TMEM131L: variants seen among roughly 807,000 people sequenced by gnomAD.
The protein encoded by TMEM131L is transmembrane protein 131-like.
A neutral mutation model predicts 192.2 loss-of-function variants in TMEM131L; 54 were observed. That is an observed-to-expected ratio of 0.28 (90% CI 0.23 to 0.35). TMEM131L has a LOEUF of 0.35. TMEM131L is among the 10% of genes least tolerant of loss of function. TMEM131L has a pLI of 1.00. For missense variants in TMEM131L, 1,888 were observed against 1,972.9 expected (o/e 0.96, Z 0.82); for synonymous variants, 701 against 704.9 (o/e 0.99, Z 0.09).
chr4:153,500,239 C>T (rs1212678528), intron 3 of TMEM131L, among the ~76,000 whole-genome samples: 1 of 151,994 alleles, frequency 6.6e-6, no homozygotes, highest in Admixed American at 6.6e-5. Flanking sequence ...TAGCTAGGAC[C>T]ACAGGCTTAT....
At chr4:153,549,096 C>G (rs1001800442) in intron 3 of TMEM131L, among the ~76,000 whole-genome samples, 1 of 152,146 alleles carries the variant, frequency 6.6e-6, no homozygotes, top group African/African-American at 2.4e-5. Flanking sequence ...TCCAGAGTAG[C>G]TGGGATTACA....
chr4:153,587,693 A>G, intron 14 of TMEM131L, 49 bp from the exon 15 acceptor site: 1 of 1,334,600 alleles, frequency 7.5e-7, no homozygotes, highest in Non-Finnish European at 1.1e-6. Flanking sequence ...TAGAATTTTT[A>G]TGTTTAGTGC....
At position 153,620,769 on chromosome 4, in the gene TMEM131L, A is replaced by C. The variant is rs1399020102; in HGVS notation, c.3581A>C (p.Tyr1194Ser). ...TCTCTTCTTTAGCAAGAAGATCCTT[A>C]TAGGAAGAAAAAGCTTCAGGAGAAA... ...DIPFVEQEDP[Y>S]RKKKLQEKRE... The change falls in exon 27 of 35, where the codon TAT becomes TCT. Residue 1194 changes from tyrosine to serine, a missense_variant. Physicochemically the swap from Tyr to Ser is moderately radical, Grantham distance 144 (BLOSUM62 -2). Coordinates refer to ENST00000409959, the MANE Select transcript of TMEM131L (RefSeq NM_001131007.2). 1 of 1,532,172 alleles carries C rather than the reference A, an allele frequency of 6.5e-7. No homozygotes were observed. Among genetic ancestry groups the C allele is most frequent in the Non-Finnish European group, 8.9e-7 (1 of 1,120,330 alleles). 94.9% of individuals were successfully genotyped at this position (1,532,172 alleles called of 1,614,324 possible).
chr4:153,532,974 TTTC>T (rs1324323902), intron 3 of TMEM131L, among the ~76,000 whole-genome samples: 13 of 151,476 alleles, frequency 8.6e-5, no homozygotes, highest in Non-Finnish European at 1.6e-4. Flanking sequence ...ATTCTCTCTC[TTTC>T]TCAATTCTTT....
At chr4:153,523,995 G>C (rs907849591) in intron 3 of TMEM131L, among the ~76,000 whole-genome samples, 1 of 152,122 alleles carries the variant, frequency 6.6e-6, no homozygotes, top group Non-Finnish European at 1.5e-5. Context: ...GAAAATTCAT[G>C]TTTATTGTAG....
intron 3 of TMEM131L, among the ~76,000 whole-genome samples, chr4:153,538,617 C>T (rs542569381): frequency 2.8e-4 from 42 of 152,340 alleles, no homozygotes; most frequent in African/African-American, 8.4e-4. Flanking sequence ...CTGAAAAACC[C>T]GCCTCCCTCA....
chr4:153,573,269 G>A (rs899894226), intron 7 of TMEM131L, among the ~76,000 whole-genome samples: 4 of 152,264 alleles, frequency 2.6e-5, no homozygotes, highest in Non-Finnish European at 5.9e-5. Context: ...TCTCGCCACA[G>A]CGATGCCTGC....
chr4:153,631,675 A>G (rs1185635798), intron 31 of TMEM131L, among the ~76,000 whole-genome samples: 2 of 152,206 alleles, frequency 1.3e-5, no homozygotes, highest in Non-Finnish European at 2.9e-5. Flanking sequence ...AATGGGAGAG[A>G]TCCCTAGAGA....
chr4:153,564,452 A>C (rs1729064326), intron 7 of TMEM131L, among the ~76,000 whole-genome samples: 2 of 152,050 alleles, frequency 1.3e-5, no homozygotes, highest in South Asian at 2.1e-4. Flanking sequence ...GTGAGCAATA[A>C]ATTTCTGTTG....
At chr4:153,629,258 T>G (rs1734053644) in intron 31 of TMEM131L, among the ~76,000 whole-genome samples, 1 of 152,202 alleles carries the variant, frequency 6.6e-6, no homozygotes, top group Admixed American at 6.5e-5. Context: ...TGCTTCTTGC[T>G]TTACTAGAAG....
At chr4:153,525,450 G>A (rs908177807) in intron 3 of TMEM131L, among the ~76,000 whole-genome samples, 20 of 151,634 alleles carry the variant, frequency 1.3e-4, no homozygotes, top group African/African-American at 3.9e-4. Context: ...GGCGATTTTC[G>A]TGCCTCAGCC....
intron 3 of TMEM131L, among the ~76,000 whole-genome samples, chr4:153,530,332 C>T (rs1735801898): frequency 6.6e-6 from 1 of 151,914 alleles, no homozygotes; most frequent in African/African-American, 2.4e-5. Flanking sequence ...AAATCAGGAC[C>T]CTGATCTAGA....
At chr4:153,471,020 T>G (rs1421923375) in intron 2 of TMEM131L, among the ~76,000 whole-genome samples, 1 of 151,112 alleles carries the variant, frequency 6.6e-6, no homozygotes, top group East Asian at 1.9e-4. Context: ...TGAGTGTTGC[T>G]CTTGTCGCCT....
In TMEM131L at chr4:153,613,706, C is replaced by CGGCA. The variant is rs576749080; in HGVS notation, c.3567+1306_3567+1307insGGCA. ...TTATAAATTATTCCCATCATCTGTA[C>CGGCA]TGCCGTTCTTTCATGTGTGTAGGCT... On this transcript the variant is annotated intron_variant, in intron 26 of 34. Transcript: ENST00000409959. 1.8e-3 allele frequency among the ~76,000 whole-genome samples: 281 copies of CGGCA among 152,168 alleles called. 5 individuals are homozygous for CGGCA. In the South Asian group the frequency reaches 0.039, roughly 21 times the overall value.
At chr4:153,483,263 A>T (rs1314547525) in intron 3 of TMEM131L, among the ~76,000 whole-genome samples, 1 of 152,250 alleles carries the variant, frequency 6.6e-6, no homozygotes, top group African/African-American at 2.4e-5. Context: ...ATTCTGAATC[A>T]GCTTTGCTTC....
intron 7 of TMEM131L, among the ~76,000 whole-genome samples, chr4:153,559,600 A>G (rs1287382146): frequency 2.0e-5 from 3 of 152,122 alleles, no homozygotes; most frequent in Non-Finnish European, 4.4e-5. Context: ...CAGCGTACCC[A>G]TTCTCTCATC....
rs904286355 is a variant in TMEM131L at position 153,635,632 on chromosome 4, T to C, written c.4557+61T>C. 7.0e-6 allele frequency: 11 copies of C among 1,582,008 alleles called. No homozygotes were observed. In the Admixed American group the frequency reaches 1.4e-4, roughly 20 times the overall value. On this transcript the variant is annotated intron_variant, in intron 34 of 34. Coordinates refer to ENST00000409959, the MANE Select transcript of TMEM131L (RefSeq NM_001131007.2). ...GCAGCTCTGAATTGTTTCCACTGCT[T>C]CCTTAATCCTGGTCTCAGCTAGCTT...
chr4:153,503,175 T>G (rs1368848531), intron 3 of TMEM131L, among the ~76,000 whole-genome samples: 1 of 152,240 alleles, frequency 6.6e-6, no homozygotes, highest in Non-Finnish European at 1.5e-5. Context: ...CTCAAAAACC[T>G]TAACACTTAG....
chr4:153,542,600 A>G (rs1347407287), intron 3 of TMEM131L, among the ~76,000 whole-genome samples: 1 of 152,246 alleles, frequency 6.6e-6, no homozygotes, highest in East Asian at 1.9e-4. Flanking sequence ...AGGATTATAT[A>G]TAATAAAGTG....
Sources: gnomAD v4.1 joint callset for allele counts (sites outside exome capture counted in the v4.1 genomes callset) on GRCh38, gnomAD v4.1.1 for gene constraint, MANE v1.5 for transcripts, NCBI Gene and HGNC (gene_info 2026-07-23, HGNC 2026-07-21) for gene names.